The following RSF1 variants were observed in gnomAD, a reference collection of about 807,000 sequenced individuals.
The protein encoded by RSF1 is HBV pX-associated protein 8.
RSF1 carries 13 observed loss-of-function variants against 145.2 expected under a neutral mutation model. The ratio of observed to expected loss-of-function variants is 0.09; its 90% confidence interval spans 0.06 to 0.14. The LOEUF is 0.14. Among genes scored for constraint, RSF1 ranks in the 10% least tolerant of loss-of-function variants. RSF1 has a pLI of 1.00. For synonymous variants in RSF1, 577 were observed against 592.6 expected (o/e 0.97, Z 0.38); for missense variants, 1,517 against 1,718.2 (o/e 0.88, Z 2.07).
chr11:77,716,895 C>T (rs1960823692), intron 5 of RSF1, among the ~76,000 whole-genome samples: 1 of 151,972 alleles, frequency 6.6e-6, no homozygotes. Flanking sequence ...AATTTAAACC[C>T]AGCCAGGCAT....
chr11:77,862,821 G>C, the RSF1 span, among the ~76,000 whole-genome samples: 1 of 152,202 alleles, frequency 6.6e-6, no homozygotes, highest in Non-Finnish European at 1.5e-5. Context: ...CCCCCTTGAA[G>C]AGGATATCAT....
At chr11:77,760,870 AG>A (rs1308296545) in intron 2 of RSF1, among the ~76,000 whole-genome samples, 21 of 152,098 alleles carry the variant, frequency 1.4e-4, no homozygotes, top group Admixed American at 1.3e-3. Context: ...TCTCCTGTTG[AG>A]GGGTAGAAAA....
rs1215495294 is a variant in RSF1, at chr11:77,702,165, C to T, written c.1064G>A (p.Gly355Asp). The change falls in exon 6 of 16, where the codon GGC becomes GAC. Residue 355 changes from glycine to aspartate, a missense_variant. Gly to Asp is a moderately conservative substitution (Grantham distance 94). This residue lies in a region of RSF1 where 207 missense variants were observed against 191.4 expected (regional missense o/e 1.08). Transcript: ENST00000308488. ...AQEPERIEFG[G>D]NIKSSHEITE... ...AATTTCGTGAGAAGATTTAATATTG[C>T]CACCAAATTCGATCCTTTCAGGCTC... The T allele has an allele frequency of 2.5e-6, 4 of 1,613,748 alleles. No homozygotes were observed. The South Asian group carries it at 3.3e-5, about 13-fold the overall frequency.
intron 1 of RSF1, among the ~76,000 whole-genome samples, chr11:77,789,619 C>A (rs982380109): frequency 6.6e-6 from 1 of 152,216 alleles, no homozygotes; most frequent in South Asian, 2.1e-4. Context: ...TAAGCTACTA[C>A]CATAGAAGGC....
intron 4 of RSF1, among the ~76,000 whole-genome samples, chr11:77,735,453 G>A (rs992102961): frequency 3.3e-5 from 5 of 151,982 alleles, no homozygotes; most frequent in Admixed American, 6.5e-5. Context: ...TAAGAAGGCT[G>A]ACTTATTAGC....
At chr11:77,705,942 C>G (rs1275479466) in intron 5 of RSF1, among the ~76,000 whole-genome samples, 1 of 152,112 alleles carries the variant, frequency 6.6e-6, no homozygotes, top group African/African-American at 2.4e-5. Flanking sequence ...GTGTTTTATA[C>G]TATTTTTTAT....
the RSF1 span, chr11:77,869,950 T>A: frequency 2.8e-6 from 2 of 719,212 alleles, no homozygotes; most frequent in Non-Finnish European, 4.8e-6. Context: ...AGGATAGCAG[T>A]GGCTGCACAC....
Position 77,757,506 on chromosome 11 carries a change from C to T in RSF1, c.279+7092G>A, listed in dbSNP as rs529406150. Among the ~76,000 whole-genome samples, 50 of 152,068 alleles carry T rather than the reference C, an allele frequency of 3.3e-4. No homozygotes were observed. The South Asian group carries it at 7.5e-3, about 23-fold the overall frequency. On this transcript the variant is annotated intron_variant, in intron 2 of 15. Transcript: ENST00000308488. ...CATCCTGGCCAACATGGTGAAACCC[C>T]GTCTCTACTAAAAATACAAAAATTG...
chr11:77,753,108 T>C lies in RSF1; in HGVS notation c.280-5980A>G, dbSNP rs189993388. 2.9e-3 allele frequency among the ~76,000 whole-genome samples: 439 copies of C among 152,378 alleles called. 5 individuals are homozygous for C. The highest frequency in any genetic ancestry group is 0.01 in the African/African-American group (422 of 41,592). On this transcript the variant is annotated intron_variant, in intron 2 of 15. Transcript: ENST00000308488. Reference sequence around the variant, plus strand: ...GGCAAGCAGCAGCCCTCAAGGCTGCTCTGCCTATGGAGTAGCCATTCTTTT... The same window carrying C: ...GGCAAGCAGCAGCCCTCAAGGCTGCCCTGCCTATGGAGTAGCCATTCTTTT...
intron 1 of RSF1, among the ~76,000 whole-genome samples, chr11:77,818,513 G>C (rs978961740): frequency 4.1e-4 from 63 of 152,300 alleles, no homozygotes; most frequent in African/African-American, 1.5e-3. Flanking sequence ...GGCCAGGCTT[G>C]GTGGCTCACG....
At chr11:77,732,030 C>T (rs1000832532) in intron 4 of RSF1, among the ~76,000 whole-genome samples, 6 of 152,186 alleles carry the variant, frequency 3.9e-5, no homozygotes, top group Admixed American at 6.5e-5. Flanking sequence ...TAGCTTGCAC[C>T]GTGTGCTTGG....
intron 8 of RSF1, among the ~76,000 whole-genome samples, chr11:77,692,094 T>C (rs1298015968): frequency 6.6e-6 from 1 of 152,064 alleles, no homozygotes. Flanking sequence ...TATCGTCATG[T>C]TGGTCAGACT....
chr11:77,760,894 A>T (rs1948164272), intron 2 of RSF1, among the ~76,000 whole-genome samples: 6 of 152,138 alleles, frequency 3.9e-5, no homozygotes. Flanking sequence ...ACCCCAGAAA[A>T]GACACACTAG....
rs774997059 is a variant in RSF1 at position 77,672,172 on chromosome 11, T to C, written c.3621A>G (p.Ser1207=). ...TAATTTGTCTTTTCTGATTTCTCCT[T>C]GACCGCCTTCGCCGAGTTTCTACAA... ...DDFVETRRRR[S]RRNQKRQINY... Residue 1207 remains serine, a synonymous_variant, in exon 15 of 16, where the codon TCA becomes TCG. Coordinates refer to ENST00000308488, the MANE Select transcript of RSF1 (RefSeq NM_016578.4). 1 of 1,613,380 alleles carries C rather than the reference T, an allele frequency of 6.2e-7. No homozygotes were observed. Among genetic ancestry groups the C allele is most frequent in the South Asian group, 1.1e-5 (1 of 90,706 alleles).
At chr11:77,779,582 A>G (rs1030234180) in intron 1 of RSF1, among the ~76,000 whole-genome samples, 9 of 152,112 alleles carry the variant, frequency 5.9e-5, no homozygotes, top group Middle Eastern at 3.4e-3. Flanking sequence ...GGGTTTCTCC[A>G]TGTTGGTCAG....
intron 1 of RSF1, among the ~76,000 whole-genome samples, chr11:77,800,877 G>C (rs1003681141): frequency 6.6e-6 from 1 of 152,034 alleles, no homozygotes; most frequent in African/African-American, 2.4e-5. Flanking sequence ...AGCTGAGTGT[G>C]ATGGTGCACC....
At chr11:77,687,498 GCATTTGAGA>G (rs982180391) in intron 9 of RSF1, among the ~76,000 whole-genome samples, 1 of 152,082 alleles carries the variant, frequency 6.6e-6, no homozygotes, top group Non-Finnish European at 1.5e-5. Flanking sequence ...TTGAGGCTAG[GCATTTGAGA>G]CCAAGCTGGC....
chr11:77,717,101 C>T (rs1960829728), intron 5 of RSF1, among the ~76,000 whole-genome samples: 1 of 150,904 alleles, frequency 6.6e-6, no homozygotes, highest in Admixed American at 6.6e-5. Flanking sequence ...TCACTTGAGC[C>T]CAGGAGGTGG....
At position 77,695,237 on chromosome 11, in the gene RSF1, A is replaced by G. The variant is rs140228148; in HGVS notation, c.2716-1626T>C. ...AAATACCTTGGGGGAGATGCACTGAAGCTATGCCAATATCTTCTCTCTCCT... is the reference window on the plus strand; with the variant it reads ...AAATACCTTGGGGGAGATGCACTGAGGCTATGCCAATATCTTCTCTCTCCT... On this transcript the variant is annotated intron_variant, in intron 7 of 15. Coordinates refer to ENST00000308488, the MANE Select transcript of RSF1 (RefSeq NM_016578.4). Among the ~76,000 whole-genome samples the G allele has an allele frequency of 4.6e-5, 7 of 152,216 alleles. No homozygotes were observed. The East Asian group carries it at 1.4e-3, about 29-fold the overall frequency.
Sources: gnomAD v4.1 joint callset for allele counts (sites outside exome capture counted in the v4.1 genomes callset) on GRCh38, gnomAD v4.1.1 for gene constraint, gnomAD v4.1.1 regional missense constraint, MANE v1.5 for transcripts, NCBI Gene and HGNC (gene_info 2026-07-23, HGNC 2026-07-21) for gene names.